Variants in CEP78 observed in about 807,000 individuals in gnomAD.
CEP78 encodes the protein centrosomal protein 78.
A neutral mutation model predicts 81.2 loss-of-function variants in CEP78; 76 were observed. The observed-to-expected ratio is 0.94, with a 90% CI of 0.78 to 1.13. CEP78 has a LOEUF of 1.13. CEP78 is among the 50% of genes most tolerant of loss of function. CEP78 has a pLI of 0.00. For synonymous variants in CEP78, 293 were observed against 301.4 expected (o/e 0.97, Z 0.29); for missense variants, 918 against 846.8 (o/e 1.08, Z -1.04).
chr9:78,248,405 C>T (rs761769872), intron 7 of CEP78, 50 bp downstream of exon 7: 1 of 1,186,770 alleles, frequency 8.4e-7, no homozygotes, highest in South Asian at 1.3e-5. Flanking sequence ...AATTGCTTTT[C>T]TTCTGGGATC....
chr9:78,240,380 AT>A lies in CEP78; in HGVS notation c.499+19del. The A allele has an allele frequency of 1.9e-6, 3 of 1,548,496 alleles. No individual in the cohort carries two copies. The highest frequency in any genetic ancestry group is 1.8e-6 in the Non-Finnish European group (2 of 1,138,512). ...GGTTTAGAAAGTGAGTTTAAATCTC[AT>A]TTAACTCTTGTCCTATCAGGCTGGT... is the stretch of plus-strand genomic sequence containing the variant. On this transcript the variant is annotated intron_variant, in intron 3 of 16. Transcript: ENST00000643273.
chr9:78,265,500 C>T lies in CEP78; in HGVS notation c.1754C>T (p.Pro585Leu). The T allele has an allele frequency of 1.3e-6, 2 of 1,582,856 alleles. No homozygotes were observed. The highest frequency in any genetic ancestry group is 1.7e-6 in the Non-Finnish European group (2 of 1,163,946). Reference sequence around the variant, plus strand: ...AAGAAGGCGCTTGAAGATGAAAAACCAGAACCGAAGCAGAATGCCCTAGGG... The same window carrying T: ...AAGAAGGCGCTTGAAGATGAAAAACTAGAACCGAAGCAGAATGCCCTAGGG... ...EEKKALEDEK[P>L]EPKQNALGQM... Residue 585 changes from proline (P) to leucine (L), a missense_variant, in exon 14 of 17, where the codon CCA (proline) becomes CTA (leucine). Coordinates refer to ENST00000643273, the MANE Select transcript of CEP78 (RefSeq NM_001330691.3).
chr9:78,260,123 A>T (rs1420095753), intron 11 of CEP78, among the ~76,000 whole-genome samples: 1 of 152,234 alleles, frequency 6.6e-6, no homozygotes, highest in Non-Finnish European at 1.5e-5. Context: ...TATCCAAGTG[A>T]TAGACTGTTT....
At position 78,279,393 on chromosome 9, in the gene CEP78, C is replaced by T. The variant is rs980818093; in HGVS notation, c.*8542C>T. ...AAGCCAAACTTCACCTAAATCTTAC[C>T]TAAGAATTGAGTTCCTTATTGTAAC... On this transcript the variant is annotated 3_prime_UTR_variant, in exon 17 of 17. Coordinates refer to ENST00000643273, the MANE Select transcript of CEP78 (RefSeq NM_001330691.3). The T allele has an allele frequency of 1.3e-5, 2 of 152,128 alleles. No individual in the cohort carries two copies. Among genetic ancestry groups the T allele is most frequent in the Non-Finnish European group, 2.9e-5 (2 of 68,020 alleles). The allele number at this position is 152,128 out of a possible 1,614,324, so 9.4% of individuals were successfully genotyped here.
chr9:78,248,264 A>G (rs1182134943), intron 6 of CEP78, 27 bp from the exon 7 acceptor site: 2 of 1,270,186 alleles, frequency 1.6e-6, no homozygotes, highest in Non-Finnish European at 1.1e-6. Context: ...AATAATTACT[A>G]TAATTTCAAT....
At chr9:78,257,145 CAT>C (rs1181367347) in intron 11 of CEP78, among the ~76,000 whole-genome samples, 1 of 151,248 alleles carries the variant, frequency 6.6e-6, no homozygotes, top group African/African-American at 2.4e-5. Flanking sequence ...TAGATAGACA[CAT>C]GTAAGTAGAC....
In CEP78 at chr9:78,251,864, C is replaced by T. The variant is rs1342188497; in HGVS notation, c.1070-44C>T. 7.0e-6 allele frequency: 11 copies of T among 1,569,540 alleles called. No individual in the cohort carries two copies. The Admixed American group carries it at 7.0e-5, about 10-fold the overall frequency. On this transcript the variant is annotated intron_variant, in intron 8 of 16. Coordinates refer to ENST00000643273, the MANE Select transcript of CEP78 (RefSeq NM_001330691.3). ...CACATGTGCCTATTCATCTGTAGACCTTTAGTGCATCTTGATTCTTTCTTT... is the reference window on the plus strand; with the variant it reads ...CACATGTGCCTATTCATCTGTAGACTTTTAGTGCATCTTGATTCTTTCTTT...
Position 78,277,543 on chromosome 9 carries a change from T to A in CEP78, c.*6692T>A, listed in dbSNP as rs1827829578. 1 of 152,198 alleles carries A rather than the reference T, an allele frequency of 6.6e-6. No individual in the cohort carries two copies. The highest frequency in any genetic ancestry group is 1.5e-5 in the Non-Finnish European group (1 of 68,026). 9.4% of individuals were successfully genotyped at this position (152,198 alleles called of 1,614,324 possible). On this transcript the variant is annotated 3_prime_UTR_variant, in exon 17 of 17. Coordinates refer to ENST00000643273, the MANE Select transcript of CEP78 (RefSeq NM_001330691.3). ...AAATTAAAGTTAAAATGAGATACTA[T>A]TTTTCAATACATTGAAATGGCAGAT... is the stretch of plus-strand genomic sequence containing the variant.
chr9:78,252,253 C>T (rs949952528), intron 9 of CEP78, among the ~76,000 whole-genome samples: 27 of 152,126 alleles, frequency 1.8e-4, no homozygotes, highest in African/African-American at 5.6e-4. Context: ...CAAGCTGTAT[C>T]CCTGTGGGAG....
rs1383359858 is a variant in CEP78, at chr9:78,278,489, C to T, written c.*7638C>T. 1 of 152,206 alleles carries T rather than the reference C, an allele frequency of 6.6e-6. No homozygotes were observed. Among genetic ancestry groups the T allele is most frequent in the Non-Finnish European group, 1.5e-5 (1 of 68,038 alleles). 9.4% of individuals were successfully genotyped at this position (152,206 alleles called of 1,614,324 possible). A position where few individuals can be genotyped will look rare whatever the true frequency, so the allele number is the denominator to read the frequency against. ...ACGTATAATTAATGGAAAATTGCAT[C>T]AAACAACTCTGATTGTACTTCTAGT... is the stretch of plus-strand genomic sequence containing the variant. On this transcript the variant is annotated 3_prime_UTR_variant, in exon 17 of 17. Transcript: ENST00000643273.
intron 6 of CEP78, 54 bp downstream of exon 6, chr9:78,246,836 T>G: frequency 1.0e-6 from 1 of 991,226 alleles, no homozygotes; most frequent in Non-Finnish European, 1.5e-6. Flanking sequence ...GAAAAAGAAT[T>G]TCTCATGTAT....
intron 11 of CEP78, 72 bp from the exon 12 acceptor site, chr9:78,262,835 T>A: frequency 1.1e-6 from 1 of 913,438 alleles, no homozygotes; most frequent in Non-Finnish European, 1.6e-6. Context: ...CTTGGTGAGC[T>A]CAACAGCTGG....
intron 4 of CEP78, among the ~76,000 whole-genome samples, 167 bp downstream of exon 4, chr9:78,241,966 T>G (rs144754309): frequency 2.7e-3 from 406 of 152,344 alleles, no homozygotes; most frequent in African/African-American, 9.5e-3. Flanking sequence ...CTACCATTTA[T>G]TAAAGGTAGT....
At position 78,254,830 on chromosome 9, in the gene CEP78, T is replaced by A; in HGVS notation, c.1252-6T>A. 1.2e-6 allele frequency: 2 copies of A among 1,603,898 alleles called. No homozygotes were observed. The highest frequency in any genetic ancestry group is 1.1e-5 in the South Asian group (1 of 89,702). On this transcript the variant is annotated splice_polypyrimidine_tract_variant and splice_region_variant and intron_variant, in intron 10 of 16. Transcript: ENST00000643273. ...TTATTATACAATCTTGTCCTCTTTTTTTAAGCAACCAGGTTTTCCTGTGAC... is the reference window on the plus strand; with the variant it reads ...TTATTATACAATCTTGTCCTCTTTTATTAAGCAACCAGGTTTTCCTGTGAC...
chr9:78,262,127 A>G (rs1827302518), intron 11 of CEP78, among the ~76,000 whole-genome samples: 9 of 151,924 alleles, frequency 5.9e-5, no homozygotes, highest in Admixed American at 5.9e-4. Context: ...AAAAACGACC[A>G]TTCATTAACT....
chr9:78,249,394 A>G (rs1826651015), intron 8 of CEP78: 1 of 152,138 alleles, frequency 6.6e-6, no homozygotes. Context: ...AAATATATGT[A>G]ATCCTTATAA....
In CEP78 at chr9:78,266,714, C is replaced by A; in HGVS notation, c.2107+11C>A. 2 of 1,611,106 alleles carry A rather than the reference C, an allele frequency of 1.2e-6. No homozygotes were observed. The highest frequency in any genetic ancestry group is 1.7e-6 in the Non-Finnish European group (2 of 1,178,680). On this transcript the variant is annotated intron_variant, in intron 16 of 16. Transcript: ENST00000643273. Reference sequence around the variant, plus strand: ...AAAAGACCAAAACAGGTGAATATACCAAAAAACACTCTGATAAGCAACACC... The same window carrying A: ...AAAAGACCAAAACAGGTGAATATACAAAAAAACACTCTGATAAGCAACACC...
chr9:78,277,504 G>A lies in CEP78; in HGVS notation c.*6653G>A, dbSNP rs981632078. On this transcript the variant is annotated 3_prime_UTR_variant, in exon 17 of 17. Coordinates refer to ENST00000643273, the MANE Select transcript of CEP78 (RefSeq NM_001330691.3). ...ACTATAAACATAAACTTTCAACCTC[G>A]TAAGCAATCAGGAAAATTAAAGTTA... 1.3e-5 allele frequency: 2 copies of A among 152,104 alleles called. No individual in the cohort carries two copies. The highest frequency in any genetic ancestry group is 6.5e-5 in the Admixed American group (1 of 15,274). The allele number at this position is 152,104 out of a possible 1,614,324, so 9.4% of individuals were successfully genotyped here. A position where few individuals can be genotyped will look rare whatever the true frequency, so the allele number is the denominator to read the frequency against.
Position 78,277,358 on chromosome 9 carries a change from A to T in CEP78, c.*6507A>T, listed in dbSNP as rs796466319. The T allele has an allele frequency of 3.3e-5, 5 of 152,164 alleles. No homozygotes were observed. In the South Asian group the frequency reaches 6.2e-4, roughly 19 times the overall value. The allele number at this position is 152,164 out of a possible 1,614,324, so 9.4% of individuals were successfully genotyped here. A position where few individuals can be genotyped will look rare whatever the true frequency, so the allele number is the denominator to read the frequency against. On this transcript the variant is annotated 3_prime_UTR_variant, in exon 17 of 17. Coordinates refer to ENST00000643273, the MANE Select transcript of CEP78 (RefSeq NM_001330691.3). ...AAACTTTGATAAAATTAGATTTCATAAATAAAGGAGTGGGAAAATACATGT... is the reference window on the plus strand; with the variant it reads ...AAACTTTGATAAAATTAGATTTCATTAATAAAGGAGTGGGAAAATACATGT...
Sources: allele counts gnomAD v4.1 joint callset (sites outside exome capture counted in the v4.1 genomes callset), GRCh38; gene constraint gnomAD v4.1.1; transcripts MANE v1.5; gene names NCBI Gene and HGNC (gene_info 2026-07-23, HGNC 2026-07-21).